Variants in UNC13B observed in about 807,000 individuals in gnomAD.
UNC13B encodes protein unc-13 homolog B.
A neutral mutation model predicts 211.0 loss-of-function variants in UNC13B; 144 were observed. The ratio of observed to expected loss-of-function variants is 0.68; its 90% CI spans 0.60 to 0.78. The LOEUF is 0.78. Ranked by LOEUF, UNC13B falls within the 30% of genes least tolerant of loss-of-function variation. The probability of loss-of-function intolerance (pLI) is 0.00; values close to 1 mark genes in which losing one functional copy is unlikely to be tolerated. For synonymous variants in UNC13B, 709 were observed against 725.8 expected, an observed-to-expected ratio of 0.98 and a Z score of 0.37; for missense variants, 1,777 against 2,002.0, an observed-to-expected ratio of 0.89 and a Z score of 2.14.
At chr9:35,272,293 T>G (rs1395781326) in intron 7 of UNC13B, among the ~76,000 whole-genome samples, 1 of 149,310 alleles carries the variant, frequency 6.7e-6, no homozygotes, top group Non-Finnish European at 1.5e-5. Flanking sequence ...AGTCTCACTC[T>G]GTCGTCCAGG....
At chr9:35,308,526 C>T (rs1451412791) in intron 9 of UNC13B, 114 bp downstream of exon 9, 1 of 396,648 alleles carries the variant, frequency 2.5e-6, no homozygotes, top group African/African-American at 2.1e-5. Context: ...TGTGTCTTTC[C>T]TAGTACCCGA....
chr9:35,403,657 G>A (rs1836486945), intron 39 of UNC13B, 58 bp downstream of exon 39: 3 of 1,467,712 alleles, frequency 2.0e-6, no homozygotes, highest in Admixed American at 3.5e-5. Flanking sequence ...TGAGGGGTGG[G>A]GGGAGAGGAG....
At chr9:35,369,076 C>T (rs1289492882) in intron 12 of UNC13B, among the ~76,000 whole-genome samples, 1 of 152,188 alleles carries the variant, frequency 6.6e-6, no homozygotes, top group Non-Finnish European at 1.5e-5. Flanking sequence ...TTCCCTCAGT[C>T]TGGTAGTCTC....
At chr9:35,384,440 A>T in intron 22 of UNC13B, 126 bp downstream of exon 22, 1 of 1,457,016 alleles carries the variant, frequency 6.9e-7, no homozygotes, top group African/African-American at 1.4e-5. Flanking sequence ...ACATCCACCC[A>T]AATGGCCAAT....
intron 11 of UNC13B, among the ~76,000 whole-genome samples, chr9:35,328,630 T>TCCTTCCTTCCTTCCTTCCTC (rs1831161832): frequency 9.1e-6 from 1 of 109,736 alleles, no homozygotes; most frequent in Non-Finnish European, 2.0e-5. Context: ...CTTCCTTCCT[T>TCCTTCCTTCCTTCCTTCCTC]CCTTCCTTCC....
intron 1 of UNC13B, among the ~76,000 whole-genome samples, chr9:35,221,628 G>T (rs1460036940): frequency 1.3e-5 from 2 of 152,126 alleles, no homozygotes; most frequent in Non-Finnish European, 2.9e-5. Context: ...TTGTCATGGG[G>T]TATTCAGATC....
intron 22 of UNC13B, chr9:35,385,493 G>A: frequency 1.0e-6 from 1 of 985,424 alleles, no homozygotes; most frequent in African/African-American, 1.7e-5. Context: ...GCTGGAGGAG[G>A]ATGTGTCACT....
intron 6 of UNC13B, 100 bp from the exon 7 acceptor site, chr9:35,258,893 A>T (rs1196705081): frequency 7.8e-7 from 1 of 1,275,382 alleles, no homozygotes; most frequent in African/African-American, 1.5e-5. Context: ...TTTTGTTTCC[A>T]AACACTAAAC....
intron 1 of UNC13B, among the ~76,000 whole-genome samples, chr9:35,179,106 G>A (rs544018592): frequency 6.6e-6 from 1 of 151,940 alleles, no homozygotes; most frequent in Non-Finnish European, 1.5e-5. Flanking sequence ...TACTTTTTTT[G>A]CTTTACTCTT....
chr9:35,395,814 T>C (rs928356061), intron 26 of UNC13B, among the ~76,000 whole-genome samples: 1 of 152,184 alleles, frequency 6.6e-6, no homozygotes, highest in Non-Finnish European at 1.5e-5. Flanking sequence ...GCATGATATG[T>C]CCTTTCATCT....
At chr9:35,350,741 T>C (rs892013235) in intron 11 of UNC13B, among the ~76,000 whole-genome samples, 15 of 152,206 alleles carry the variant, frequency 9.9e-5, no homozygotes, top group Non-Finnish European at 5.9e-5. Flanking sequence ...ACGTAAACCA[T>C]TGTCCTTTCT....
At chr9:35,356,641 C>A (rs1169699388) in intron 11 of UNC13B, among the ~76,000 whole-genome samples, 1 of 152,066 alleles carries the variant, frequency 6.6e-6, no homozygotes, top group Admixed American at 6.6e-5. Flanking sequence ...ACCTTAAAGT[C>A]CCTTAAAAAG....
intron 13 of UNC13B, among the ~76,000 whole-genome samples, chr9:35,374,232 G>A (rs555087910): frequency 4.1e-4 from 21 of 51,064 alleles, no homozygotes; most frequent in African/African-American, 2.3e-3. Context: ...GGCTAGCAAG[G>A]CAGCCCCAGC....
intron 1 of UNC13B, among the ~76,000 whole-genome samples, chr9:35,162,781 C>A (rs1252078555): frequency 6.6e-6 from 1 of 152,198 alleles, no homozygotes; most frequent in Non-Finnish European, 1.5e-5. Context: ...CCTGCCACTT[C>A]CCTGAACACT....
chr9:35,381,378 A>T (rs1325779660), intron 19 of UNC13B, among the ~76,000 whole-genome samples, 163 bp downstream of exon 19: 1 of 152,216 alleles, frequency 6.6e-6, no homozygotes. Flanking sequence ...CTCAGACTGC[A>T]TTCTCTTCCA....
At position 35,306,506 on chromosome 9, in the gene UNC13B, C is replaced by G; in HGVS notation, c.7102C>G (p.Pro2368Ala). 1 of 399,030 alleles carries G rather than the reference C, an allele frequency of 2.5e-6. No individual in the cohort carries two copies. The highest frequency in any genetic ancestry group is 3.6e-5 in the East Asian group (1 of 28,070). 24.7% of individuals were successfully genotyped at this position (399,030 alleles called of 1,614,324 possible). A position where few individuals can be genotyped will look rare whatever the true frequency, so the allele number is the denominator to read the frequency against. ...EEEAFNHKAF[P>A]SDSLSNSFSH... ...AGAGGCTTTCAACCACAAAGCCTTC[C>G]CCAGTGACTCACTGTCCAACTCTTT... The change falls in exon 9 of 40, where the codon CCC (proline) becomes GCC (alanine). Residue 2368 changes from proline to alanine, a missense_variant. By Grantham distance (27) the Pro-to-Ala change is conservative. Coordinates refer to ENST00000635942, the MANE Select transcript of UNC13B (RefSeq NM_001371189.2).
At chr9:35,258,930 T>A in intron 6 of UNC13B, 63 bp from the exon 7 acceptor site, 1 of 1,549,036 alleles carries the variant, frequency 6.5e-7, no homozygotes, top group Non-Finnish European at 8.7e-7. Context: ...GTGATTTTTT[T>A]CCCTGTCTTT....
intron 1 of UNC13B, among the ~76,000 whole-genome samples, chr9:35,179,191 A>G (rs933517578): frequency 1.3e-5 from 2 of 152,162 alleles, no homozygotes; most frequent in Non-Finnish European, 2.9e-5. Context: ...TTTTTAATAA[A>G]AGTATTTAGG....
intron 13 of UNC13B, chr9:35,371,919 C>A (rs1302424521): frequency 6.6e-6 from 1 of 152,656 alleles, no homozygotes; most frequent in Non-Finnish European, 1.5e-5. Flanking sequence ...CTTTTCTCTG[C>A]TGTCCTCTAC....
Sources: gnomAD v4.1 joint callset for allele counts (sites outside exome capture counted in the v4.1 genomes callset) on GRCh38, gnomAD v4.1.1 for gene constraint, MANE v1.5 for transcripts, NCBI Gene and HGNC (gene_info 2026-07-23, HGNC 2026-07-21) for gene names.